The following B3GALT1 variants were observed in gnomAD, a reference collection of about 807,000 sequenced individuals.
The protein encoded by B3GALT1 is beta-1,3-galactosyltransferase 1, also known as UDP-Gal:betaGlcNAc beta 1,3-galactosyltransferase, polypeptide 1.
In B3GALT1, 10 loss-of-function variants were observed where a neutral mutation model predicts 23.2. The ratio of observed to expected loss-of-function variants is 0.43; its 90% CI spans 0.27 to 0.73. B3GALT1 has a LOEUF of 0.73. Ranked by LOEUF, B3GALT1 falls within the 30% of genes least tolerant of loss-of-function variation. B3GALT1 has a pLI of 0.21. For missense variants in B3GALT1, 299 were observed against 405.4 expected, an observed-to-expected ratio of 0.74 and a Z score of 2.25; for synonymous variants, 156 against 141.5, an observed-to-expected ratio of 1.10 and a Z score of -0.73.
intron 3 of B3GALT1, among the ~76,000 whole-genome samples, chr2:167,748,641 T>G (rs917098464): frequency 7.9e-5 from 12 of 152,248 alleles, no homozygotes; most frequent in African/African-American, 2.9e-4. Flanking sequence ...CAGGCAAAAC[T>G]TAATGGACCA....
intron 4 of B3GALT1, among the ~76,000 whole-genome samples, 181 bp downstream of exon 4, chr2:167,818,974 G>A (rs1005466042): frequency 6.0e-5 from 9 of 149,738 alleles, no homozygotes; most frequent in African/African-American, 2.2e-4. Context: ...AAATATCCTT[G>A]CCATAAAAGC....
intron 1 of B3GALT1, among the ~76,000 whole-genome samples, chr2:167,444,568 A>G (rs541741794): frequency 6.6e-6 from 1 of 152,220 alleles, no homozygotes; most frequent in African/African-American, 2.4e-5. Context: ...CTATTCAGAG[A>G]TTCAACTTCT....
chr2:167,302,271 A>G (rs1401292012), intron 1 of B3GALT1, among the ~76,000 whole-genome samples: 1 of 152,160 alleles, frequency 6.6e-6, no homozygotes, highest in African/African-American at 2.4e-5. Context: ...GATGATAGGG[A>G]TTTCATTTTT....
intron 1 of B3GALT1, among the ~76,000 whole-genome samples, chr2:167,409,537 T>A (rs1447931104): frequency 6.6e-6 from 1 of 151,924 alleles, no homozygotes; most frequent in African/African-American, 2.4e-5. Flanking sequence ...TCTGCTTGAT[T>A]GATTTGGCTG....
intron 1 of B3GALT1, among the ~76,000 whole-genome samples, chr2:167,297,020 T>G (rs1696361818): frequency 6.6e-6 from 1 of 152,100 alleles, no homozygotes; most frequent in East Asian, 1.9e-4. Context: ...ATATTGATCC[T>G]GAAGCTATGT....
At chr2:167,622,645 A>G (rs1685278595) in intron 2 of B3GALT1, among the ~76,000 whole-genome samples, 1 of 152,176 alleles carries the variant, frequency 6.6e-6, no homozygotes. Flanking sequence ...TGTGTAAGAT[A>G]CACATATTTG....
intron 4 of B3GALT1, among the ~76,000 whole-genome samples, chr2:167,830,246 C>T (rs1689318533): frequency 6.6e-6 from 1 of 152,094 alleles, no homozygotes; most frequent in Non-Finnish European, 1.5e-5. Context: ...CTCACTAAGG[C>T]CGGGTCTTTT....
chr2:167,411,057 G>A (rs1405361185), intron 1 of B3GALT1, among the ~76,000 whole-genome samples: 1 of 151,536 alleles, frequency 6.6e-6, no homozygotes, highest in African/African-American at 2.4e-5. Context: ...ATATAAACCT[G>A]CTCTAAAAAT....
chr2:167,636,996 A>T (rs549323251), intron 2 of B3GALT1, among the ~76,000 whole-genome samples: 34 of 152,048 alleles, frequency 2.2e-4, no homozygotes, highest in Non-Finnish European at 2.9e-4. Context: ...ATAATAATAA[A>T]AAAAAATAGA....
At chr2:167,620,900 C>A (rs986838175) in intron 2 of B3GALT1, among the ~76,000 whole-genome samples, 5 of 151,874 alleles carry the variant, frequency 3.3e-5, no homozygotes, top group Non-Finnish European at 7.4e-5. Flanking sequence ...TACTAATCAG[C>A]CTATAAATGC....
At chr2:167,635,835 A>G (rs1283724293) in intron 2 of B3GALT1, among the ~76,000 whole-genome samples, 1 of 152,128 alleles carries the variant, frequency 6.6e-6, no homozygotes, top group Non-Finnish European at 1.5e-5. Context: ...ACAGAATTAG[A>G]AAAAACTACT....
At chr2:167,807,520 G>T (rs962016552) in intron 3 of B3GALT1, among the ~76,000 whole-genome samples, 20 of 151,568 alleles carry the variant, frequency 1.3e-4, no homozygotes, top group Non-Finnish European at 2.6e-4. Context: ...TTGTGTCTTT[G>T]TTCTCGTTGG....
At position 167,684,757 on chromosome 2, in the gene B3GALT1, C is replaced by T. The variant is rs56233959; in HGVS notation, c.-352+37791C>T. 9.8e-3 allele frequency among the ~76,000 whole-genome samples: 1,493 copies of T among 152,228 alleles called. 19 individuals carry two copies. The highest frequency in any genetic ancestry group is 0.033 in the African/African-American group (1,371 of 41,522). On this transcript the variant is annotated intron_variant, in intron 3 of 4. Transcript: ENST00000392690. The stretch of plus-strand genomic sequence containing the variant: ...AATTCTCATTATTGGAATTCTTTAA[C>T]TTGAATATTAAAGAAAGAAAAGGTA...
At chr2:167,615,023 A>C (rs1685134884) in intron 2 of B3GALT1, among the ~76,000 whole-genome samples, 1 of 152,068 alleles carries the variant, frequency 6.6e-6, no homozygotes, top group South Asian at 2.1e-4. Context: ...ATGTTTTGAA[A>C]ATGGACTGCC....
chr2:167,842,544 T>C (rs1050163220), intron 4 of B3GALT1, among the ~76,000 whole-genome samples: 2 of 152,194 alleles, frequency 1.3e-5, no homozygotes, highest in Non-Finnish European at 2.9e-5. Flanking sequence ...AATATTTAAC[T>C]GTATGTATAA....
intron 2 of B3GALT1, among the ~76,000 whole-genome samples, chr2:167,534,416 T>C (rs1683381798): frequency 6.6e-6 from 1 of 152,156 alleles, no homozygotes; most frequent in East Asian, 1.9e-4. Flanking sequence ...GGCAAGACAT[T>C]GAAACTTTTG....
intron 3 of B3GALT1, among the ~76,000 whole-genome samples, chr2:167,685,148 C>T (rs1444418298): frequency 6.6e-6 from 1 of 152,252 alleles, no homozygotes; most frequent in Non-Finnish European, 1.5e-5. Context: ...CAAATTCAGA[C>T]TGCCATGGAG....
At chr2:167,793,448 G>T (rs1688481448) in intron 3 of B3GALT1, among the ~76,000 whole-genome samples, 1 of 152,138 alleles carries the variant, frequency 6.6e-6, no homozygotes, top group Non-Finnish European at 1.5e-5. Flanking sequence ...GGTACAGATA[G>T]GAACAAAATG....
chr2:167,780,540 G>C, intron 3 of B3GALT1, among the ~76,000 whole-genome samples: 1 of 152,188 alleles, frequency 6.6e-6, no homozygotes, highest in East Asian at 1.9e-4. Context: ...TCTAGGAACT[G>C]TCATACCTTT....
Sources: allele counts gnomAD v4.1 joint callset (sites outside exome capture counted in the v4.1 genomes callset), GRCh38; gene constraint gnomAD v4.1.1; transcripts MANE v1.5; gene names NCBI Gene and HGNC (gene_info 2026-07-23, HGNC 2026-07-21).